NCDN: variants seen among roughly 807,000 people sequenced by gnomAD.
The protein encoded by NCDN is neurochondrin.
Under a neutral mutation model 60.7 loss-of-function variants are expected in NCDN, and 9 were observed. The ratio of observed to expected loss-of-function variants is 0.15; its 90% CI spans 0.09 to 0.26. The LOEUF (loss-of-function observed/expected upper bound fraction) is 0.26. Ranked by LOEUF, NCDN falls within the 10% of genes least tolerant of loss-of-function variation. NCDN has a pLI of 1.00. For missense variants in NCDN, 578 were observed against 975.2 expected, an observed-to-expected ratio of 0.59 and a Z score of 5.42; for synonymous variants, 409 against 442.5, an observed-to-expected ratio of 0.92 and a Z score of 0.95.
At position 35,560,683 on chromosome 1, in the gene NCDN, G is replaced by A. The variant is rs771974575; in HGVS notation, c.532G>A (p.Val178Met). ...TCGGCACCTCATTGCTGGTGGCACCGTGTCTGCCCTATGCCAGGCATACCT... is the reference window on the plus strand; with the variant it reads ...TCGGCACCTCATTGCTGGTGGCACCATGTCTGCCCTATGCCAGGCATACCT... ...GPRHLIAGGT[V>M]SALCQAYLGH... The change falls in exon 3 of 7, where the codon GTG (valine) becomes ATG (methionine). Residue 178 changes from valine to methionine, a missense_variant. This residue lies in a region of NCDN where 363 missense variants were observed against 583.6 expected (regional missense o/e 0.62). Transcript: ENST00000373243. The surrounding 1 kb of genome is among the most constrained non-coding windows in gnomAD (Gnocchi z 7.6). 2.8e-5 allele frequency: 45 copies of A among 1,613,026 alleles called. 1 individual carries two copies. The highest frequency in any genetic ancestry group is 3.3e-5 in the South Asian group (3 of 91,086).
rs377641776 is a variant in NCDN at position 35,562,665 on chromosome 1, A to G, written c.1385+32A>G. On this transcript the variant is annotated intron_variant, in intron 4 of 6. Coordinates refer to ENST00000373243, the MANE Select transcript of NCDN (RefSeq NM_014284.3). This position sits in a 1 kb window ranked among gnomAD's most constrained non-coding sequence, Gnocchi z 6.8. The stretch of plus-strand genomic sequence containing the variant: ...CTGTAGTTACAGTCTGTCCAGCTAG[A>G]TCATTCTACCGAAAAGCGTTAACAC... The G allele has an allele frequency of 4.3e-5, 68 of 1,591,714 alleles. No individual in the cohort carries two copies. In the Middle Eastern group the frequency reaches 6.7e-4, roughly 16 times the overall value.
At position 35,562,511 on chromosome 1, in the gene NCDN, C is replaced by T; in HGVS notation, c.1263C>T (p.Leu421=). 13 of 1,614,148 alleles carry T rather than the reference C, an allele frequency of 8.1e-6. No homozygotes were observed. Among genetic ancestry groups the T allele is most frequent in the African/African-American group, 1.3e-5 (1 of 75,034 alleles). The change falls in exon 4 of 7, where the codon CTC becomes CTT. Residue 421 remains leucine, a synonymous_variant. Transcript: ENST00000373243. The surrounding 1 kb of genome is among the most constrained non-coding windows in gnomAD (Gnocchi z 6.8). ...AGGTGTGCCAGCTGCTGCCCTTCCT[C>T]GTCCGCTATGCCAAGACCCTCTACG... is the stretch of plus-strand genomic sequence containing the variant. ...RKEVCQLLPF[L]VRYAKTLYEE...
rs766837732 is a variant in NCDN, at chr1:35,563,196, C to T, written c.1386-6C>T. On this transcript the variant is annotated splice_polypyrimidine_tract_variant and splice_region_variant and intron_variant, in intron 4 of 6. Transcript: ENST00000373243. This position sits in a 1 kb window ranked among gnomAD's most constrained non-coding sequence, Gnocchi z 6.6. ...CCACACACGTCTGTCCCTTCCACAT[C>T]CCCAGGCTCCTCCTGCCTGGCTGGT... The T allele has an allele frequency of 6.8e-6, 11 of 1,610,138 alleles. No individual in the cohort carries two copies. Among genetic ancestry groups the T allele is most frequent in the Non-Finnish European group, 9.3e-6 (11 of 1,177,328 alleles).
In NCDN at chr1:35,563,618, A is replaced by G; in HGVS notation, c.1611-149A>G. On this transcript the variant is annotated intron_variant, in intron 5 of 6. Coordinates refer to ENST00000373243, the MANE Select transcript of NCDN (RefSeq NM_014284.3). The surrounding 1 kb of genome is among the most constrained non-coding windows in gnomAD (Gnocchi z 6.6). ...TGCTGGAACCCCCAGGTACTGTCTC[A>G]GCATGTCTGCTTGTTCCAATCTCTG... The G allele has an allele frequency of 9.2e-7, 1 of 1,087,016 alleles. No homozygotes were observed. The highest frequency in any genetic ancestry group is 2.1e-5 in the Admixed American group (1 of 47,362). 67.3% of individuals were successfully genotyped at this position (1,087,016 alleles called of 1,614,324 possible). A position where few individuals can be genotyped will look rare whatever the true frequency, so the allele number is the denominator to read the frequency against.
rs1648841514 is a variant in NCDN, at chr1:35,565,482, T to G, written c.2009T>G (p.Leu670Arg). 1.3e-6 allele frequency: 2 copies of G among 1,597,346 alleles called. No individual in the cohort carries two copies. The highest frequency in any genetic ancestry group is 2.2e-5 in the South Asian group (2 of 89,586). ...CGCTGGCCGCAGGAGCTGCTCCAGC[T>G]GCTAGGCAGTGTCAGCCCCAACTCT... ...RSRWPQELLQ[L>R]LGSVSPNSVK... The change falls in exon 7 of 7, where the codon CTG becomes CGG. Residue 670 changes from leucine to arginine, a missense_variant. This residue lies in a region of NCDN where 191 missense variants were observed against 372.1 expected (regional missense o/e 0.51). Coordinates refer to ENST00000373243, the MANE Select transcript of NCDN (RefSeq NM_014284.3). This position sits in a 1 kb window ranked among gnomAD's most constrained non-coding sequence, Gnocchi z 8.9.
intron 6 of NCDN, 131 bp downstream of exon 6, chr1:35,564,040 A>G (rs1648790727): frequency 8.8e-7 from 1 of 1,135,536 alleles, no homozygotes; most frequent in Non-Finnish European, 1.2e-6. Flanking sequence ...AAATCTTTGC[A>G]GTGTATCTCC....
In NCDN at chr1:35,565,658, C is replaced by A. The variant is rs1401653292; in HGVS notation, c.2185C>A (p.Pro729Thr). 1 of 1,548,994 alleles carries A rather than the reference C, an allele frequency of 6.5e-7. No individual in the cohort carries two copies. Among genetic ancestry groups the A allele is most frequent in the Non-Finnish European group, 8.7e-7 (1 of 1,154,434 alleles). ...TGCCTTGGAGCAGTGCCTGTCAGAGCCCTGAGGGGTGTCCACCGGGGACAG... is the reference window on the plus strand; with the variant it reads ...TGCCTTGGAGCAGTGCCTGTCAGAGACCTGAGGGGTGTCCACCGGGGACAG... ...MAALEQCLSE[P>T] The change falls in exon 7 of 7, where the codon CCC becomes ACC. Residue 729 changes from proline to threonine, a missense_variant. By Grantham distance (38) the Pro-to-Thr change is conservative (BLOSUM62 -1). Coordinates refer to ENST00000373243, the MANE Select transcript of NCDN (RefSeq NM_014284.3). This position sits in a 1 kb window ranked among gnomAD's most constrained non-coding sequence, Gnocchi z 8.9.
Position 35,558,984 on chromosome 1 carries a change from T to A in NCDN, c.34-123T>A. 9.5e-7 allele frequency: 1 copy of A among 1,053,846 alleles called. No individual in the cohort carries two copies. Among genetic ancestry groups the A allele is most frequent in the Non-Finnish European group, 1.4e-6 (1 of 730,248 alleles). The allele number at this position is 1,053,846 out of a possible 1,614,324, so 65.3% of individuals were successfully genotyped here. A position where few individuals can be genotyped will look rare whatever the true frequency, so the allele number is the denominator to read the frequency against. On this transcript the variant is annotated intron_variant, in intron 1 of 6. Coordinates refer to ENST00000373243, the MANE Select transcript of NCDN (RefSeq NM_014284.3). This position sits in a 1 kb window ranked among gnomAD's most constrained non-coding sequence, Gnocchi z 6.3. ...AGGTCAGTCCTGAGGAGTCCACCCCTCCAGATTCTCTCCTCCCCTCCCTCT... is the reference window on the plus strand; with the variant it reads ...AGGTCAGTCCTGAGGAGTCCACCCCACCAGATTCTCTCCTCCCCTCCCTCT...
In NCDN at chr1:35,558,344, C is replaced by T. The variant is rs769551842; in HGVS notation, c.33+121C>T. 4 of 1,545,418 alleles carry T rather than the reference C, an allele frequency of 2.6e-6. No homozygotes were observed. The highest frequency in any genetic ancestry group is 3.6e-5 in the Admixed American group (2 of 54,894). ...AACTATCCGGGACCCCCTCTTGCTT[C>T]TCCAGCCCCTGCCGGCATCCACAGG... On this transcript the variant is annotated intron_variant, in intron 1 of 6. Transcript: ENST00000373243. This position sits in a 1 kb window ranked among gnomAD's most constrained non-coding sequence, Gnocchi z 6.3.
rs150386507 is a variant in NCDN at position 35,563,331 on chromosome 1, C to T, written c.1515C>T (p.His505=). 1.2e-5 allele frequency: 20 copies of T among 1,614,080 alleles called. No individual in the cohort carries two copies. The highest frequency in any genetic ancestry group is 1.1e-4 in the South Asian group (10 of 91,088). The change falls in exon 5 of 7, where the codon CAC becomes CAT. Residue 505 remains histidine, a synonymous_variant. Transcript: ENST00000373243. This position sits in a 1 kb window ranked among gnomAD's most constrained non-coding sequence, Gnocchi z 6.6. ...LQQWELTSPG[H]DTSVLPDSVE... ...AGTGGGAACTCACATCCCCTGGCCA[C>T]GACACCTCGGTGCTGCCTGACAGCG...
chr1:35,561,736 A>G lies in NCDN; in HGVS notation c.1143+442A>G, dbSNP rs7518500. Among the ~76,000 whole-genome samples the G allele has an allele frequency of 0.24, 37,068 of 152,012 alleles. 9,302 individuals carry two copies. Among genetic ancestry groups the G allele is most frequent in the East Asian group, 0.77 (3,955 of 5,156 alleles). ...CAGGGCTGCCTGGTTCCTGGCCTCT[A>G]TAGAGGTCTGGCTAGATCAATTCGC... is the stretch of plus-strand genomic sequence containing the variant. On this transcript the variant is annotated intron_variant, in intron 3 of 6. Transcript: ENST00000373243. The surrounding 1 kb of genome is among the most constrained non-coding windows in gnomAD (Gnocchi z 4.9).
rs1255221308 is a variant in NCDN, at chr1:35,565,694, G to A, written c.*31G>A. On this transcript the variant is annotated 3_prime_UTR_variant, in exon 7 of 7. Transcript: ENST00000373243. The surrounding 1 kb of genome is among the most constrained non-coding windows in gnomAD (Gnocchi z 8.9). ...GTCCACCGGGGACAGACCCAGGGGCGGGCAGAGAGGGAAGGAGGGAGGAGG... is the reference window on the plus strand; with the variant it reads ...GTCCACCGGGGACAGACCCAGGGGCAGGCAGAGAGGGAAGGAGGGAGGAGG... The A allele has an allele frequency of 2.6e-5, 40 of 1,514,956 alleles. 1 individual carries two copies. Among genetic ancestry groups the A allele is most frequent in the Non-Finnish European group, 3.4e-5 (39 of 1,133,574 alleles). 93.8% of individuals were successfully genotyped at this position (1,514,956 alleles called of 1,614,324 possible).
Position 35,564,585 on chromosome 1 carries a change from G to A in NCDN, c.1754-642G>A, listed in dbSNP as rs556237530. Among the ~76,000 whole-genome samples the A allele has an allele frequency of 6.6e-5, 10 of 152,286 alleles. No homozygotes were observed. In the South Asian group the frequency reaches 2.1e-3, roughly 32 times the overall value. ...GTTCCTTTTGAGGGGTTCCCAGCAG[G>A]GTACCCCGTCATGGGAAGGGGTGCA... On this transcript the variant is annotated intron_variant, in intron 6 of 6. Transcript: ENST00000373243.
chr1:35,561,293 A>T lies in NCDN; in HGVS notation c.1142A>T (p.Gln381Leu), dbSNP rs1446776595. 1 of 1,580,638 alleles carries T rather than the reference A, an allele frequency of 6.3e-7. No individual in the cohort carries two copies. The highest frequency in any genetic ancestry group is 1.1e-5 in the South Asian group (1 of 87,128). The part of the protein sequence containing the change: ...AIGAVIHYLL[Q>L]VGSEKQKEPF... ...GGGGCTGTTATCCACTACCTGCTGC[A>T]GGTGAGGGTGCAGTGACCCACAGAG... Residue 381 changes from glutamine to leucine, a missense_variant and splice_region_variant, in exon 3 of 7, where the codon CAG (glutamine) becomes CTG (leucine). Physicochemically the swap from Gln to Leu is moderately radical, Grantham distance 113 (BLOSUM62 -2). Coordinates refer to ENST00000373243, the MANE Select transcript of NCDN (RefSeq NM_014284.3). This position sits in a 1 kb window ranked among gnomAD's most constrained non-coding sequence, Gnocchi z 4.9.
rs755230528 is a variant in NCDN, at chr1:35,560,466, T to G, written c.315T>G (p.Ala105=). ...GCTGCCCTGACCATGTTCTGCGGGC[T>G]TTGGGTGTGGCCCTGCTGGCCTGCT... ...PDGCPDHVLR[A]LGVALLACFC... The change falls in exon 3 of 7, where the codon GCT becomes GCG. Residue 105 remains alanine (A), a synonymous_variant. Coordinates refer to ENST00000373243, the MANE Select transcript of NCDN (RefSeq NM_014284.3). The surrounding 1 kb of genome is among the most constrained non-coding windows in gnomAD (Gnocchi z 7.6). 8 of 1,613,920 alleles carry G rather than the reference T, an allele frequency of 5.0e-6. No homozygotes were observed. The South Asian group carries it at 8.8e-5, about 18-fold the overall frequency.
chr1:35,564,888 T>A (rs55927013), intron 6 of NCDN, among the ~76,000 whole-genome samples: 1 of 152,102 alleles, frequency 6.6e-6, no homozygotes, highest in African/African-American at 2.4e-5. Context: ...TCCAGAACCC[T>A]GAGGGGTTCT....
Position 35,562,755 on chromosome 1 carries a change from T to G in NCDN, c.1385+122T>G. 2 of 1,326,166 alleles carry G rather than the reference T, an allele frequency of 1.5e-6. No individual in the cohort carries two copies. Among genetic ancestry groups the G allele is most frequent in the Non-Finnish European group, 2.0e-6 (2 of 994,178 alleles). The allele number at this position is 1,326,166 out of a possible 1,614,324, so 82.1% of individuals were successfully genotyped here. A position where few individuals can be genotyped will look rare whatever the true frequency, so the allele number is the denominator to read the frequency against. ...CCTGATTGGGCCATGAGATATCCCT[T>G]AGGGTTATTTCTGTTTTGGGGGGCT... On this transcript the variant is annotated intron_variant, in intron 4 of 6. Coordinates refer to ENST00000373243, the MANE Select transcript of NCDN (RefSeq NM_014284.3). The surrounding 1 kb of genome is among the most constrained non-coding windows in gnomAD (Gnocchi z 6.8).
In NCDN at chr1:35,563,465, A is replaced by G. The variant is rs1343826738; in HGVS notation, c.1610+39A>G. The G allele has an allele frequency of 6.3e-7, 1 of 1,592,710 alleles. No homozygotes were observed. The highest frequency in any genetic ancestry group is 1.1e-5 in the South Asian group (1 of 90,406). On this transcript the variant is annotated intron_variant, in intron 5 of 6. Coordinates refer to ENST00000373243, the MANE Select transcript of NCDN (RefSeq NM_014284.3). The surrounding 1 kb of genome is among the most constrained non-coding windows in gnomAD (Gnocchi z 6.6). ...GAGAGGTGGGGGAGGAGGCCGGAGGAGGCAAAGGAGGCTGCCCAGTTGCCT... is the reference window on the plus strand; with the variant it reads ...GAGAGGTGGGGGAGGAGGCCGGAGGGGGCAAAGGAGGCTGCCCAGTTGCCT...
In NCDN at chr1:35,562,366, A is replaced by G; in HGVS notation, c.1144-26A>G. The G allele has an allele frequency of 6.2e-7, 1 of 1,610,502 alleles. No homozygotes were observed. The highest frequency in any genetic ancestry group is 8.5e-7 in the Non-Finnish European group (1 of 1,177,686). Reference sequence around the variant, plus strand: ...CAGGGAGGGTCCCTGGTCCTGCTCCATCTCAAGGGGGTCCTGTGGCAACAG... The same window carrying G: ...CAGGGAGGGTCCCTGGTCCTGCTCCGTCTCAAGGGGGTCCTGTGGCAACAG... On this transcript the variant is annotated intron_variant, in intron 3 of 6. Coordinates refer to ENST00000373243, the MANE Select transcript of NCDN (RefSeq NM_014284.3). This position sits in a 1 kb window ranked among gnomAD's most constrained non-coding sequence, Gnocchi z 6.8.
Sources: allele counts gnomAD v4.1 joint callset (sites outside exome capture counted in the v4.1 genomes callset), GRCh38; gene constraint gnomAD v4.1.1; regional missense constraint gnomAD v4.1.1; non-coding constraint Gnocchi (gnomAD v3.1); transcripts MANE v1.5; gene names NCBI Gene and HGNC (gene_info 2026-07-23, HGNC 2026-07-21).